Variants in CFAP96 observed in about 807,000 individuals in gnomAD.
The protein encoded by CFAP96 is cilia-and flagella-associated protein 96.
chr4:185,448,864 G>GC, the CFAP96 span, among the ~76,000 whole-genome samples: 3 of 152,068 alleles, frequency 2.0e-5, no homozygotes, highest in East Asian at 5.8e-4. Context: ...GATGCTGTTA[G>GC]AACTTTGGAA....
chr4:185,413,942 G>C, the CFAP96 span: 1 of 1,374,928 alleles, frequency 7.3e-7, no homozygotes, highest in South Asian at 1.5e-5. Context: ...AATAAATAAA[G>C]ATGTTATTAA....
At chr4:185,432,217 GAA>G in the CFAP96 span, 3 of 1,540,416 alleles carry the variant, frequency 1.9e-6, no homozygotes, top group East Asian at 2.4e-5. Context: ...TGTTTTTTGG[GAA>G]AAGTCTTAAA....
chr4:185,430,283 ATTAC>A, the CFAP96 span, among the ~76,000 whole-genome samples: 1 of 152,238 alleles, frequency 6.6e-6, no homozygotes, highest in African/African-American at 2.4e-5. Flanking sequence ...TGGATATCCA[ATTAC>A]TTCTACATAA....
the CFAP96 span, among the ~76,000 whole-genome samples, chr4:185,444,353 C>T: frequency 6.6e-6 from 1 of 152,090 alleles, no homozygotes; most frequent in Non-Finnish European, 1.5e-5. Context: ...TAGAATTTTC[C>T]TGTGATTATA....
the CFAP96 span, chr4:185,445,386 T>A: frequency 1.2e-6 from 1 of 830,156 alleles, no homozygotes; most frequent in Admixed American, 2.4e-5. Flanking sequence ...TTAAAGCAAA[T>A]ATATAGCGCC....
At chr4:185,435,259 G>C in the CFAP96 span, among the ~76,000 whole-genome samples, 1 of 152,138 alleles carries the variant, frequency 6.6e-6, no homozygotes, top group Non-Finnish European at 1.5e-5. Context: ...TGAAGGTATT[G>C]ACAATAAGCA....
chr4:185,412,451 AAG>A, the CFAP96 span, among the ~76,000 whole-genome samples: 1 of 152,230 alleles, frequency 6.6e-6, no homozygotes, highest in East Asian at 1.9e-4. Flanking sequence ...TTTAATTCTT[AAG>A]ATTTCCTCAA....
the CFAP96 span, among the ~76,000 whole-genome samples, chr4:185,446,161 A>G: frequency 1.2e-4 from 18 of 152,282 alleles, no homozygotes; most frequent in East Asian, 3.5e-3. Flanking sequence ...TTTCTGATTG[A>G]CTACTTGTTA....
chr4:185,422,759 C>T, the CFAP96 span, among the ~76,000 whole-genome samples: 1 of 152,192 alleles, frequency 6.6e-6, no homozygotes, highest in Non-Finnish European at 1.5e-5. Context: ...GGGTTCTCAA[C>T]CTTTGTTCTA....
At chr4:185,426,580 A>G in the CFAP96 span, among the ~76,000 whole-genome samples, 1 of 151,926 alleles carries the variant, frequency 6.6e-6, no homozygotes, top group South Asian at 2.1e-4. Context: ...GCTATGCTCT[A>G]TTTTCTTGTC....
the CFAP96 span, among the ~76,000 whole-genome samples, chr4:185,409,352 G>C: frequency 6.6e-6 from 1 of 152,012 alleles, no homozygotes; most frequent in African/African-American, 2.4e-5. Flanking sequence ...TTAAAGAACT[G>C]GGTTTTTGTT....
chr4:185,414,922 C>T, the CFAP96 span, among the ~76,000 whole-genome samples: 1 of 152,058 alleles, frequency 6.6e-6, no homozygotes, highest in Non-Finnish European at 1.5e-5. Context: ...ATGAACCACA[C>T]CGAGCATTTA....
chr4:185,439,989 T>TATATACACATATGAG, the CFAP96 span, among the ~76,000 whole-genome samples: 2 of 94,892 alleles, frequency 2.1e-5, no homozygotes, highest in African/African-American at 3.6e-5. Context: ...ATATGTGAGA[T>TATATACACATATGAG]ATATACACAT....
At chr4:185,428,074 G>A in the CFAP96 span, among the ~76,000 whole-genome samples, 2 of 124,176 alleles carry the variant, frequency 1.6e-5, no homozygotes, top group African/African-American at 3.1e-5. Flanking sequence ...CTACAAGAGC[G>A]AAACTCTGTC....
the CFAP96 span, among the ~76,000 whole-genome samples, chr4:185,417,239 A>T: frequency 6.6e-6 from 1 of 152,202 alleles, no homozygotes; most frequent in South Asian, 2.1e-4. Flanking sequence ...ACAAATCCAA[A>T]AGGAGGGACA....
the CFAP96 span, chr4:185,440,666 GAGA>G: frequency 4.6e-6 from 7 of 1,509,080 alleles, no homozygotes; most frequent in South Asian, 2.4e-5. Context: ...TAAAAAAGAA[GAGA>G]AGAAGAAAAC....
the CFAP96 span, chr4:185,425,839 G>A: frequency 5.6e-6 from 9 of 1,601,244 alleles, no homozygotes; most frequent in Admixed American, 1.0e-4. Context: ...AAAAACACAG[G>A]GGTCGGTGAC....
chr4:185,409,793 C>A, the CFAP96 span, among the ~76,000 whole-genome samples: 8 of 152,206 alleles, frequency 5.3e-5, no homozygotes, highest in South Asian at 1.7e-3. Flanking sequence ...GCCCTAAATG[C>A]AATCACATAT....
the CFAP96 span, among the ~76,000 whole-genome samples, chr4:185,433,026 A>T: frequency 1.3e-5 from 2 of 152,066 alleles, no homozygotes; most frequent in Non-Finnish European, 1.5e-5. Context: ...CTGGCCAGAA[A>T]TTCTTTTTTG....
Sources: allele counts gnomAD v4.1 joint callset (sites outside exome capture counted in the v4.1 genomes callset), GRCh38; gene constraint gnomAD v4.1.1; transcripts MANE v1.5; gene names NCBI Gene and HGNC (gene_info 2026-07-23, HGNC 2026-07-21).